Variants in RAD21 observed in about 807,000 individuals in gnomAD.
RAD21 encodes the protein RAD21 cohesin complex component.
In RAD21, 18 loss-of-function variants were observed where a neutral mutation model predicts 71.5. That is an observed-to-expected ratio of 0.25 (90% CI 0.17 to 0.37). The LOEUF (loss-of-function observed/expected upper bound fraction) is 0.37, where lower values mean the gene tolerates loss of function less well. Ranked by LOEUF, RAD21 falls within the 10% of genes least tolerant of loss-of-function variation. The probability of loss-of-function intolerance (pLI) is 1.00; values close to 1 mark genes in which losing one functional copy is unlikely to be tolerated. For synonymous variants in RAD21, 248 were observed against 254.0 expected, an observed-to-expected ratio of 0.98 and a Z score of 0.22; for missense variants, 493 against 769.1, an observed-to-expected ratio of 0.64 and a Z score of 4.25.
At chr8:116,858,546 A>T (rs1432154257) in intron 4 of RAD21, 88 bp from the exon 5 acceptor site, 17 of 1,022,194 alleles carry the variant, frequency 1.7e-5, no homozygotes, top group South Asian at 7.6e-5. Flanking sequence ...AAATTAAAAA[A>T]ATATATATGT....
Position 116,851,999 on chromosome 8 carries a change from AGGT to A in RAD21, c.1416_1418del (p.Pro473del). ...GTCCAGCTTTTCGCTTAACTCCCTG[AGGT>A]GGTGGTGGAGGCATAGCTGACTCAT... On this transcript the variant is annotated inframe_deletion, in exon 11 of 14. Coordinates refer to ENST00000297338, the MANE Select transcript of RAD21 (RefSeq NM_006265.3). 6.2e-7 allele frequency: 1 copy of A among 1,612,638 alleles called. No individual in the cohort carries two copies. The highest frequency in any genetic ancestry group is 1.1e-5 in the South Asian group (1 of 91,006).
Position 116,854,460 on chromosome 8 carries a change from T to C in RAD21, c.946A>G (p.Thr316Ala). The change falls in exon 9 of 14, where the codon ACA (threonine) becomes GCA (alanine). Residue 316 changes from threonine to alanine, a missense_variant. Thr to Ala is a moderately conservative substitution (Grantham distance 58). Around this residue, in one of 5 missense-constraint regions of RAD21, gnomAD observed 42 missense variants for 117.2 expected, o/e 0.36. Coordinates refer to ENST00000297338, the MANE Select transcript of RAD21 (RefSeq NM_006265.3). Reference protein sequence around the residue: ...LEPIDITVKETKAKRKRKLIV... With the variant: ...LEPIDITVKEAKAKRKRKLIV... The stretch of plus-strand genomic sequence containing the variant: ...AGCTTCCTCTTCCTCTTGGCTTTTG[T>C]TTCTTTAACTGGAATGATAATAAAA... 1.2e-6 allele frequency: 2 copies of C among 1,611,790 alleles called. No individual in the cohort carries two copies. Among genetic ancestry groups the C allele is most frequent in the Non-Finnish European group, 1.7e-6 (2 of 1,178,244 alleles).
chr8:116,873,111 TAAC>T (rs1812868472), intron 1 of RAD21, among the ~76,000 whole-genome samples: 1 of 152,244 alleles, frequency 6.6e-6, no homozygotes, highest in African/African-American at 2.4e-5. Flanking sequence ...TAATCATGCC[TAAC>T]AACTCTGGTT....
At chr8:116,856,603 G>T in intron 7 of RAD21, 43 bp downstream of exon 7, 1 of 1,525,218 alleles carries the variant, frequency 6.6e-7, no homozygotes, top group Non-Finnish European at 8.8e-7. Context: ...CTTTCTGGAT[G>T]CCATACAATC....
Position 116,856,337 on chromosome 8 carries a change from T to C in RAD21, c.815-49A>G, listed in dbSNP as rs771494661. On this transcript the variant is annotated intron_variant, in intron 7 of 13. Transcript: ENST00000297338. ...AAAAGTCACAAAAAGCTTTGGTATA[T>C]AACATATATCCCACAAATGGGGAGG... 5 of 1,400,948 alleles carry C rather than the reference T, an allele frequency of 3.6e-6. No homozygotes were observed. In the African/African-American group the frequency reaches 6.3e-5, roughly 18 times the overall value. The allele number at this position is 1,400,948 out of a possible 1,614,324, so 86.8% of individuals were successfully genotyped here.
intron 2 of RAD21, 69 bp from the exon 3 acceptor site, chr8:116,863,328 T>C: frequency 2.0e-6 from 3 of 1,510,894 alleles, no homozygotes; most frequent in Non-Finnish European, 2.7e-6. Flanking sequence ...CTTTTTATCT[T>C]TTTCCTTTAA....
chr8:116,860,053 G>A (rs1812556991), intron 4 of RAD21, among the ~76,000 whole-genome samples: 1 of 152,144 alleles, frequency 6.6e-6, no homozygotes, highest in South Asian at 2.1e-4. Flanking sequence ...TGACTTTGAG[G>A]GGTTCAAGAC....
intron 2 of RAD21, among the ~76,000 whole-genome samples, chr8:116,865,264 A>G (rs1812666757): frequency 6.6e-6 from 1 of 152,098 alleles, no homozygotes; most frequent in Non-Finnish European, 1.5e-5. Flanking sequence ...ACTCGTTTGT[A>G]GTGTCCCTAA....
chr8:116,864,102 G>C (rs1812644944), intron 2 of RAD21, among the ~76,000 whole-genome samples: 1 of 151,876 alleles, frequency 6.6e-6, no homozygotes, highest in Admixed American at 6.6e-5. Context: ...GGCAGATCTT[G>C]ATCAACATTA....
intron 8 of RAD21, 129 bp downstream of exon 8, chr8:116,856,037 G>T: frequency 1.8e-6 from 2 of 1,102,138 alleles, no homozygotes; most frequent in Non-Finnish European, 2.5e-6. Context: ...CAGTAGACAG[G>T]CCAAAAAAAC....
chr8:116,860,597 G>A (rs1586271377), intron 4 of RAD21, among the ~76,000 whole-genome samples: 1 of 152,134 alleles, frequency 6.6e-6, no homozygotes, highest in Admixed American at 6.6e-5. Flanking sequence ...TTTTTTTGCA[G>A]TATTTTTAAG....
intron 13 of RAD21, among the ~76,000 whole-genome samples, 193 bp from the exon 14 acceptor site, chr8:116,847,884 A>G (rs986195614): frequency 1.3e-5 from 2 of 152,150 alleles, no homozygotes; most frequent in Non-Finnish European, 2.9e-5. Context: ...ATCCCTTATC[A>G]ATCACTCCCT....
chr8:116,868,978 T>C (rs761655460), intron 1 of RAD21, among the ~76,000 whole-genome samples: 2 of 151,908 alleles, frequency 1.3e-5, no homozygotes, highest in Non-Finnish European at 2.9e-5. Context: ...ACCCTCCACC[T>C]AAATCTCACA....
intron 1 of RAD21, among the ~76,000 whole-genome samples, chr8:116,869,380 T>C (rs1439785230): frequency 6.6e-6 from 1 of 150,422 alleles, no homozygotes. Flanking sequence ...AGGCCAGGAG[T>C]TCAAGACCAG....
intron 1 of RAD21, among the ~76,000 whole-genome samples, chr8:116,872,627 A>T (rs1812852981): frequency 6.6e-6 from 1 of 152,218 alleles, no homozygotes; most frequent in African/African-American, 2.4e-5. Flanking sequence ...CTATCTCAGA[A>T]GTAAAGACAT....
chr8:116,861,352 T>G lies in RAD21; in HGVS notation c.374+489A>C, dbSNP rs150522822. 4.7e-3 allele frequency among the ~76,000 whole-genome samples: 705 copies of G among 151,594 alleles called. 5 individuals are homozygous for G. The highest frequency in any genetic ancestry group is 7.4e-3 in the Non-Finnish European group (504 of 67,884). On this transcript the variant is annotated intron_variant, in intron 4 of 13. Coordinates refer to ENST00000297338, the MANE Select transcript of RAD21 (RefSeq NM_006265.3). ...CTCTGCTATAACAGCCATCTCTGTG[T>G]AACTCTCTCCTCTCAAATGTGTGTC...
At chr8:116,870,465 G>C (rs1359386814) in intron 1 of RAD21, among the ~76,000 whole-genome samples, 1 of 152,128 alleles carries the variant, frequency 6.6e-6, no homozygotes, top group African/African-American at 2.4e-5. Flanking sequence ...ACACCTCAAA[G>C]GTGCTTTATT....
intron 1 of RAD21, among the ~76,000 whole-genome samples, chr8:116,870,805 A>G (rs1812806087): frequency 6.6e-6 from 1 of 152,242 alleles, no homozygotes; most frequent in African/African-American, 2.4e-5. Flanking sequence ...TGAATAAGTA[A>G]GTAAGATCCA....
chr8:116,850,923 A>G (rs975538950), intron 11 of RAD21, 156 bp from the exon 12 acceptor site: 10 of 448,896 alleles, frequency 2.2e-5, no homozygotes, highest in South Asian at 1.9e-4. Flanking sequence ...ATTACAGTAT[A>G]TATCTTTTTT....
Sources: gnomAD v4.1 joint callset for allele counts (sites outside exome capture counted in the v4.1 genomes callset) on GRCh38, gnomAD v4.1.1 for gene constraint, gnomAD v4.1.1 regional missense constraint, MANE v1.5 for transcripts, NCBI Gene and HGNC (gene_info 2026-07-23, HGNC 2026-07-21) for gene names.